Variants in RIMBP2 observed in about 807,000 individuals in gnomAD.
RIMBP2 encodes RIMS binding protein 2.
Under a neutral mutation model 118.6 loss-of-function variants are expected in RIMBP2, and 48 were observed. That is an observed-to-expected ratio of 0.40 (90% CI 0.32 to 0.51). The LOEUF is 0.51. RIMBP2 is among the 20% of genes least tolerant of loss of function. The pLI, the probability that RIMBP2 is intolerant of heterozygous loss-of-function variation, is 0.41. For missense variants in RIMBP2, 1,551 were observed against 1,768.3 expected, an observed-to-expected ratio of 0.88 and a Z score of 2.20; for synonymous variants, 762 against 742.9, an observed-to-expected ratio of 1.03 and a Z score of -0.42.
At chr12:130,467,664 C>T (rs6486542) in intron 6 of RIMBP2, among the ~76,000 whole-genome samples, 65,176 of 152,108 alleles carry the variant, frequency 0.43, 14,175 homozygotes, top group Middle Eastern at 0.53. Context: ...ATCTAGGCAA[C>T]GGGCAAGGTG....
intron 10 of RIMBP2, 51 bp downstream of exon 10, chr12:130,445,109 G>A (rs1228942286): frequency 5.7e-6 from 7 of 1,219,202 alleles, no homozygotes; most frequent in Middle Eastern, 2.0e-4. Context: ...GGTGGTCTGC[G>A]GGGTGGACTG....
intron 4 of RIMBP2, among the ~76,000 whole-genome samples, chr12:130,480,898 A>G (rs1446675296): frequency 6.6e-6 from 1 of 152,112 alleles, no homozygotes; most frequent in Non-Finnish European, 1.5e-5. Flanking sequence ...ACCGCGCCCG[A>G]CCACCTTTTA....
Position 130,506,645 on chromosome 12 carries a change from T to C in RIMBP2, c.-4+3A>G. 1.0e-6 allele frequency: 1 copy of C among 985,698 alleles called. No individual in the cohort carries two copies. Among genetic ancestry groups the C allele is most frequent in the Non-Finnish European group, 1.2e-6 (1 of 829,932 alleles). 61.1% of individuals were successfully genotyped at this position (985,698 alleles called of 1,614,324 possible). On this transcript the variant is annotated splice_donor_region_variant and intron_variant, in intron 4 of 22. Coordinates refer to ENST00000690449, the MANE Select transcript of RIMBP2 (RefSeq NM_001393629.1). The stretch of plus-strand genomic sequence containing the variant: ...CGGTCCCAAATGCAGAAAGCCAGCT[T>C]ACCTTCAGGACCTGTTCTAGGTTCT...
chr12:130,466,959 G>C (rs926606514), intron 6 of RIMBP2, among the ~76,000 whole-genome samples: 1 of 152,218 alleles, frequency 6.6e-6, no homozygotes, highest in African/African-American at 2.4e-5. Flanking sequence ...GCTCATCAGA[G>C]ACTCAAAAGA....
At chr12:130,604,305 A>C (rs1209634833) in intron 2 of RIMBP2, among the ~76,000 whole-genome samples, 1 of 151,718 alleles carries the variant, frequency 6.6e-6, no homozygotes, top group African/African-American at 2.4e-5. Flanking sequence ...AAAAAAAAAA[A>C]AAACCTCACA....
chr12:130,410,486 A>G (rs571169048), intron 19 of RIMBP2, among the ~76,000 whole-genome samples: 2 of 152,202 alleles, frequency 1.3e-5, no homozygotes, highest in African/African-American at 4.8e-5. Context: ...TGGAAATATT[A>G]GAGTCTTAAT....
chr12:130,466,510 T>G (rs2080490279), intron 6 of RIMBP2, among the ~76,000 whole-genome samples: 1 of 152,212 alleles, frequency 6.6e-6, no homozygotes, highest in African/African-American at 2.4e-5. Flanking sequence ...GCACTGGAGT[T>G]GTGTATGTGG....
chr12:130,504,044 AGC>A, intron 4 of RIMBP2, among the ~76,000 whole-genome samples: 1 of 152,206 alleles, frequency 6.6e-6, no homozygotes, highest in South Asian at 2.1e-4. Flanking sequence ...CCATGCTGGG[AGC>A]AGGGGGGGGT....
At chr12:130,551,215 C>T (rs1593762941) in intron 2 of RIMBP2, among the ~76,000 whole-genome samples, 1 of 152,214 alleles carries the variant, frequency 6.6e-6, no homozygotes, top group African/African-American at 2.4e-5. Context: ...GTCCAAGCCA[C>T]ACCTGGAAAA....
Position 130,626,317 on chromosome 12 carries a change from C to T in RIMBP2, c.-217+2005G>A, listed in dbSNP as rs73460616. Among the ~76,000 whole-genome samples, 409 of 152,300 alleles carry T rather than the reference C, an allele frequency of 2.7e-3. 1 individual carries two copies. Among genetic ancestry groups the T allele is most frequent in the African/African-American group, 8.9e-3 (369 of 41,542 alleles). Reference sequence around the variant, plus strand: ...GGATCCATTACCATCATTATCACCACGACTACCGCCAGCATCACCATCAGC... The same window carrying T: ...GGATCCATTACCATCATTATCACCATGACTACCGCCAGCATCACCATCAGC... On this transcript the variant is annotated intron_variant, in intron 2 of 22. Coordinates refer to ENST00000690449, the MANE Select transcript of RIMBP2 (RefSeq NM_001393629.1).
chr12:130,701,547 C>G (rs1444342223), intron 1 of RIMBP2, among the ~76,000 whole-genome samples: 1 of 151,980 alleles, frequency 6.6e-6, no homozygotes. Flanking sequence ...CAGTCAGGCC[C>G]GCGTCTGAAC....
chr12:130,641,560 A>G (rs2062624804), intron 1 of RIMBP2, among the ~76,000 whole-genome samples: 2 of 152,204 alleles, frequency 1.3e-5, no homozygotes, highest in Admixed American at 6.5e-5. Flanking sequence ...TTTCTTCTGC[A>G]TCATAACTGC....
intron 12 of RIMBP2, 30 bp downstream of exon 12, chr12:130,438,335 A>ACCCAACCCCCCCCC: frequency 6.9e-6 from 6 of 864,972 alleles, no homozygotes; most frequent in East Asian, 2.8e-5. Flanking sequence ...GGCCTAACAA[A>ACCCAACCCCCCCCC]CCCTCCCCAC....
chr12:130,442,854 C>T lies in RIMBP2; in HGVS notation c.692-194G>A, dbSNP rs964365720. Among the ~76,000 whole-genome samples the T allele has an allele frequency of 6.6e-6, 1 of 152,200 alleles. No homozygotes were observed. Among genetic ancestry groups the T allele is most frequent in the Non-Finnish European group, 1.5e-5 (1 of 68,034 alleles). On this transcript the variant is annotated intron_variant, in intron 10 of 22. Coordinates refer to ENST00000690449, the MANE Select transcript of RIMBP2 (RefSeq NM_001393629.1). This position sits in a 1 kb window ranked among gnomAD's most constrained non-coding sequence, Gnocchi z 6.9. Reference sequence around the variant, plus strand: ...CATCTAAAGAGCCAGCTCCTCCATCCCCGTGGCCCAGTCTTCTTTTCTCCA... The same window carrying T: ...CATCTAAAGAGCCAGCTCCTCCATCTCCGTGGCCCAGTCTTCTTTTCTCCA...
rs79519326 is a variant in RIMBP2 at position 130,477,814 on chromosome 12, G to A, written c.102+1098C>T. Among the ~76,000 whole-genome samples, 574 of 152,320 alleles carry A rather than the reference G, an allele frequency of 3.8e-3. 14 individuals are homozygous for A. In the East Asian group the frequency reaches 0.057, roughly 15 times the overall value. ...ACCTGGATAAGCTGTCGGATGGATC[G>A]AGGGGCCACCTAGGGCAGAGGAGTG... On this transcript the variant is annotated intron_variant, in intron 5 of 22. Coordinates refer to ENST00000690449, the MANE Select transcript of RIMBP2 (RefSeq NM_001393629.1).
intron 1 of RIMBP2, among the ~76,000 whole-genome samples, chr12:130,638,738 G>A (rs73448927): frequency 0.054 from 8,249 of 151,914 alleles, 443 homozygotes; most frequent in African/African-American, 0.14. Context: ...AGTACATTGC[G>A]GAAAAGGCAA....
intron 1 of RIMBP2, chr12:130,667,497 G>A (rs2064004235): frequency 6.6e-6 from 1 of 152,318 alleles, no homozygotes; most frequent in Non-Finnish European, 1.5e-5. Flanking sequence ...AAGCGGCATG[G>A]GAGGAGAGCA....
chr12:130,619,879 G>A lies in RIMBP2; in HGVS notation c.-217+8443C>T, dbSNP rs138560911. ...TGGGGTGGACAGCCGGTCAAAACAC[G>A]TAAAGGGACAGTAACTGTGTGGGCA... On this transcript the variant is annotated intron_variant, in intron 2 of 22. Transcript: ENST00000690449. 4.9e-3 allele frequency among the ~76,000 whole-genome samples: 741 copies of A among 152,300 alleles called. 9 individuals are homozygous for A. The highest frequency in any genetic ancestry group is 0.017 in the African/African-American group (691 of 41,552).
At chr12:130,439,838 T>TGG (rs1230226056) in intron 11 of RIMBP2, among the ~76,000 whole-genome samples, 1,500 of 145,034 alleles carry the variant, frequency 0.01, 126 homozygotes, top group African/African-American at 0.037. Flanking sequence ...TGTGTGTATG[T>TGG]GTATCTGTGA....
Sources: gnomAD v4.1 joint callset for allele counts (sites outside exome capture counted in the v4.1 genomes callset) on GRCh38, gnomAD v4.1.1 for gene constraint, Gnocchi (gnomAD v3.1) non-coding constraint, MANE v1.5 for transcripts, NCBI Gene and HGNC (gene_info 2026-07-23, HGNC 2026-07-21) for gene names.